ERMP1: variants seen among roughly 807,000 people sequenced by gnomAD.
ERMP1 encodes Felix-ina.
In ERMP1, 86 loss-of-function variants were observed where a neutral mutation model predicts 92.0. The observed-to-expected ratio is 0.93, with a 90% confidence interval of 0.79 to 1.12. The LOEUF (loss-of-function observed/expected upper bound fraction) is 1.12. ERMP1 is among the 50% of genes most tolerant of loss of function. ERMP1 has a pLI of 0.00. For synonymous variants in ERMP1, 530 were observed against 412.8 expected (o/e 1.28, Z -3.44); for missense variants, 1,342 against 1,116.3 (o/e 1.20, Z -2.88).
intron 6 of ERMP1, among the ~76,000 whole-genome samples, chr9:5,845,338 G>C (rs1830222443): frequency 6.6e-6 from 1 of 152,074 alleles, no homozygotes; most frequent in Non-Finnish European, 1.5e-5. Context: ...CAAGGCGGGA[G>C]GATCACTTGA....
intron 6 of ERMP1, among the ~76,000 whole-genome samples, chr9:5,847,088 G>A (rs1183977554): frequency 6.6e-6 from 1 of 152,198 alleles, no homozygotes; most frequent in African/African-American, 2.4e-5. Flanking sequence ...ATGCCCAGGG[G>A]ATGGAGGGAA....
intron 6 of ERMP1, among the ~76,000 whole-genome samples, chr9:5,843,322 C>A (rs113434023): frequency 4.7e-4 from 72 of 152,306 alleles, no homozygotes; most frequent in African/African-American, 1.7e-3. Flanking sequence ...TTATGTGAAA[C>A]CTTCTGCTCT....
intron 6 of ERMP1, among the ~76,000 whole-genome samples, chr9:5,856,895 T>C (rs1048985617): frequency 2.3e-4 from 35 of 152,210 alleles, no homozygotes; most frequent in African/African-American, 7.2e-4. Flanking sequence ...CAAGGCACAT[T>C]ACAGCCTTCT....
At chr9:5,865,380 C>G (rs982639687) in intron 5 of ERMP1, among the ~76,000 whole-genome samples, 8 of 151,924 alleles carry the variant, frequency 5.3e-5, no homozygotes, top group African/African-American at 1.9e-4. Flanking sequence ...CGGTGGCAGG[C>G]GCCTGTAGTC....
In ERMP1 at chr9:5,811,199, G is replaced by A; in HGVS notation, c.1239C>T (p.Pro413=). The A allele has an allele frequency of 1.2e-6, 2 of 1,614,006 alleles. No individual in the cohort carries two copies. Residue 413 remains proline (P), a synonymous_variant, in exon 7 of 15, where the codon CCC becomes CCT. Coordinates refer to ENST00000339450, the MANE Select transcript of ERMP1 (RefSeq NM_024896.3). Reference sequence around the variant, plus strand: ...AGTTTATGATTGAGCCAATACGAGAGGGGTAGGCAATGACAAACAGGCCCA... The same window carrying A: ...AGTTTATGATTGAGCCAATACGAGAAGGGTAGGCAATGACAAACAGGCCCA... ...DVLGLFVIAY[P]SRIGSIINYM... is the part of the protein sequence containing the mutation.
intron 4 of ERMP1, among the ~76,000 whole-genome samples, chr9:5,813,684 T>C (rs543722626): frequency 2.6e-5 from 4 of 151,888 alleles, no homozygotes; most frequent in Non-Finnish European, 5.9e-5. Context: ...CAATCTGTAT[T>C]ATAATAATCA....
intron 4 of ERMP1, among the ~76,000 whole-genome samples, chr9:5,817,150 G>A (rs540701192): frequency 9.3e-4 from 141 of 151,598 alleles, no homozygotes; most frequent in African/African-American, 3.2e-3. Context: ...CGCCTGCCTC[G>A]GCCTCCCAAA....
Position 5,865,185 on chromosome 9 carries a change from T to TA in ERMP1, n.3055+2616dup, listed in dbSNP as rs372719591. On this transcript the variant is annotated intron_variant and non_coding_transcript_variant, in intron 5 of 6. Transcript: ENST00000690753. The stretch of plus-strand genomic sequence containing the variant: ...ATTTATACATATACATATGTATATA[T>TA]AAAAAATTATGCCCAATCATACTTT... Among the ~76,000 whole-genome samples the TA allele has an allele frequency of 8.1e-3, 1,231 of 152,282 alleles. 2 individuals carry two copies. The highest frequency in any genetic ancestry group is 0.014 in the Non-Finnish European group (963 of 68,022).
At chr9:5,850,922 G>C (rs750670972) in intron 6 of ERMP1, among the ~76,000 whole-genome samples, 6 of 152,118 alleles carry the variant, frequency 3.9e-5, no homozygotes. Context: ...GAGGAACAAG[G>C]TTGCATCCTT....
chr9:5,806,380 G>A (rs971563196), intron 8 of ERMP1, among the ~76,000 whole-genome samples: 1 of 151,152 alleles, frequency 6.6e-6, no homozygotes, highest in Non-Finnish European at 1.5e-5. Flanking sequence ...AAGTCCAAGG[G>A]TTCCTATGTA....
At chr9:5,834,207 T>G (rs1248892397), upstream of ERMP1, among the ~76,000 whole-genome samples, 1 of 152,230 alleles carries the variant, frequency 6.6e-6, no homozygotes, top group Non-Finnish European at 1.5e-5. Flanking sequence ...TAGGATCTTC[T>G]CACATGCTGT....
At chr9:5,861,021 T>C (rs1347418174) in intron 5 of ERMP1, among the ~76,000 whole-genome samples, 1 of 152,172 alleles carries the variant, frequency 6.6e-6, no homozygotes, top group Non-Finnish European at 1.5e-5. Context: ...TATGAGCCCA[T>C]ACATTTCTGT....
At chr9:5,853,325 C>A (rs547576272) in intron 6 of ERMP1, among the ~76,000 whole-genome samples, 1 of 152,258 alleles carries the variant, frequency 6.6e-6, no homozygotes, top group African/African-American at 2.4e-5. Context: ...TTGCTTTCAG[C>A]CCAAAATAAT....
intron 9 of ERMP1, 32 bp from the exon 10 acceptor site, chr9:5,805,249 A>G: frequency 6.6e-7 from 1 of 1,526,666 alleles, no homozygotes; most frequent in Non-Finnish European, 8.9e-7. Context: ...GCACACATCT[A>G]TGAAATCCTC....
rs368422058 is a variant in ERMP1 at position 5,787,232 on chromosome 9, G to C, written c.2627C>G (p.Ser876Cys). The C allele has an allele frequency of 6.8e-6, 11 of 1,613,906 alleles. No individual in the cohort carries two copies. The African/African-American group carries it at 1.5e-4, about 22-fold the overall frequency. ...TTCCTTCAGAGCATCCAGTTGAGGG[G>C]ATCTCTTGTCTTCCCCAGACAGATA... ...AHYLSGEDKR[S>C]PQLDALKEKF... Residue 876 changes from serine to cysteine, a missense_variant, in exon 15 of 15, where the codon TCC becomes TGC. By Grantham distance (112) the Ser-to-Cys change is moderately radical. Transcript: ENST00000339450.
upstream of ERMP1, among the ~76,000 whole-genome samples, chr9:5,837,392 C>T (rs1374349579): frequency 6.6e-6 from 1 of 152,098 alleles, no homozygotes; most frequent in Non-Finnish European, 1.5e-5. Flanking sequence ...ATATCAACAA[C>T]TTTTTAACTA....
intron 13 of ERMP1, among the ~76,000 whole-genome samples, chr9:5,796,122 A>G (rs986867764): frequency 6.6e-6 from 1 of 152,248 alleles, no homozygotes; most frequent in African/African-American, 2.4e-5. Flanking sequence ...TATTGTTAAA[A>G]TATCATTTCT....
At chr9:5,792,126 G>C (rs532607006) in intron 13 of ERMP1, among the ~76,000 whole-genome samples, 2 of 152,210 alleles carry the variant, frequency 1.3e-5, no homozygotes, top group South Asian at 2.1e-4. Flanking sequence ...GGTTGGATGT[G>C]GCTATGCAGT....
At chr9:5,866,036 AT>A (rs1345184552) in intron 5 of ERMP1, among the ~76,000 whole-genome samples, 1 of 151,962 alleles carries the variant, frequency 6.6e-6, no homozygotes, top group Non-Finnish European at 1.5e-5. Flanking sequence ...TTTAATAATA[AT>A]TTTTTAATCA....
Sources: gnomAD v4.1 joint callset for allele counts (sites outside exome capture counted in the v4.1 genomes callset) on GRCh38, gnomAD v4.1.1 for gene constraint, MANE v1.5 for transcripts, NCBI Gene and HGNC (gene_info 2026-07-23, HGNC 2026-07-21) for gene names.